Variants in KLRG2 observed in about 807,000 individuals in gnomAD.
KLRG2 encodes killer cell lectin like receptor G2, also known as killer cell lectin-like receptor subfamily G member 2.
A neutral mutation model predicts 35.4 loss-of-function variants in KLRG2; 39 were observed. That is an observed-to-expected ratio of 1.10 (90% CI 0.85 to 1.44). The LOEUF (loss-of-function observed/expected upper bound fraction) is 1.44, where lower values mean the gene tolerates loss of function less well. Among genes scored for constraint, KLRG2 ranks in the 40% most tolerant of loss-of-function variants. The pLI is 0.00. For missense variants in KLRG2, 632 were observed against 570.9 expected, an observed-to-expected ratio of 1.11 and a Z score of -1.09; for synonymous variants, 283 against 265.8, an observed-to-expected ratio of 1.06 and a Z score of -0.63.
At chr7:139,465,064 C>T (rs1249397848) in intron 3 of KLRG2, among the ~76,000 whole-genome samples, 1 of 152,178 alleles carries the variant, frequency 6.6e-6, no homozygotes, top group Non-Finnish European at 1.5e-5. Flanking sequence ...TCACCCTGAA[C>T]ACACTTGGTT....
At position 139,483,406 on chromosome 7, in the gene KLRG2, G is replaced by A; in HGVS notation, c.237C>T (p.Arg79=). 6.5e-7 allele frequency: 1 copy of A among 1,543,642 alleles called. No homozygotes were observed. Among genetic ancestry groups the A allele is most frequent in the Non-Finnish European group, 8.6e-7 (1 of 1,157,686 alleles). Residue 79 remains arginine, a synonymous_variant, in exon 1 of 5, where the codon CGC becomes CGT. Transcript: ENST00000340940. ...CGTAGCCCAGGCTGAGCGGCGGCAC[G>A]CGCGGGGACCCGGGGCGAGGCGAAG... ...KPPSPRPGSP[R]VPPLSLGYGV... is the part of the protein sequence containing the mutation.
At chr7:139,473,716 G>A (rs1195505197) in intron 3 of KLRG2, among the ~76,000 whole-genome samples, 1 of 152,208 alleles carries the variant, frequency 6.6e-6, no homozygotes, top group African/African-American at 2.4e-5. Context: ...GCTCACACCT[G>A]TAATCCTAGC....
At chr7:139,475,119 C>A (rs1219418990) in intron 3 of KLRG2, among the ~76,000 whole-genome samples, 1 of 152,188 alleles carries the variant, frequency 6.6e-6, no homozygotes, top group Non-Finnish European at 1.5e-5. Context: ...AATCTTGACA[C>A]AGTTGTCCCT....
At chr7:139,458,235 A>G (rs1283393049) in intron 3 of KLRG2, among the ~76,000 whole-genome samples, 1 of 151,928 alleles carries the variant, frequency 6.6e-6, no homozygotes, top group Non-Finnish European at 1.5e-5. Context: ...AATATTAACC[A>G]GGTGTGGTGG....
chr7:139,451,880 C>A (rs1309885253), downstream of KLRG2, among the ~76,000 whole-genome samples: 1 of 151,922 alleles, frequency 6.6e-6, no homozygotes, highest in East Asian at 1.9e-4. Context: ...ACATACACAG[C>A]TTCCTGCCCA....
intron 2 of KLRG2, 42 bp from the exon 3 acceptor site, chr7:139,479,814 C>A: frequency 1.3e-6 from 2 of 1,589,726 alleles, no homozygotes; most frequent in Non-Finnish European, 8.6e-7. Context: ...GGGTAAGCTG[C>A]ATTAAATAAA....
At chr7:139,429,380 C>CTTTT in the KLRG2 span, among the ~76,000 whole-genome samples, 1 of 143,216 alleles carries the variant, frequency 7.0e-6, no homozygotes, top group Non-Finnish European at 1.5e-5. Context: ...TTTTCTTTTT[C>CTTTT]TTTTTCTTTT....
intron 3 of KLRG2, among the ~76,000 whole-genome samples, chr7:139,454,864 TAAC>T (rs1238804285): frequency 5.1e-5 from 7 of 138,518 alleles, no homozygotes; most frequent in Admixed American, 2.2e-4. Flanking sequence ...ATAATAATAA[TAAC>T]ACACGCAGAT....
At chr7:139,480,340 C>G in intron 1 of KLRG2, 93 bp from the exon 2 acceptor site, 1 of 709,724 alleles carries the variant, frequency 1.4e-6, no homozygotes, top group Non-Finnish European at 2.6e-6. Flanking sequence ...AGCATCTCAC[C>G]CACCTCACCC....
chr7:139,455,380 G>C (rs1450082965), intron 3 of KLRG2, among the ~76,000 whole-genome samples: 3 of 147,706 alleles, frequency 2.0e-5, no homozygotes, highest in Non-Finnish European at 3.0e-5. Flanking sequence ...GGAGTGCAGT[G>C]GCGCGATCTC....
intron 3 of KLRG2, among the ~76,000 whole-genome samples, chr7:139,476,214 G>T (rs961554589): frequency 6.6e-6 from 1 of 152,156 alleles, no homozygotes; most frequent in Non-Finnish European, 1.5e-5. Context: ...ACAAGCCTGG[G>T]CAAGGTGGCA....
At chr7:139,476,541 G>A (rs1796853393) in intron 3 of KLRG2, among the ~76,000 whole-genome samples, 1 of 151,966 alleles carries the variant, frequency 6.6e-6, no homozygotes, top group South Asian at 2.1e-4. Context: ...CTGGGTTCAA[G>A]CGATTCCCAT....
rs948217369 is a variant in KLRG2, at chr7:139,480,372, G to A, written c.758-125C>T. On this transcript the variant is annotated intron_variant, in intron 1 of 4. Transcript: ENST00000340940. ...ACCCCAGCACCCACCCCCTCAGCCT[G>A]GGATGCCAACATAAACCACAACGTT... 6 of 603,152 alleles carry A rather than the reference G, an allele frequency of 9.9e-6. No homozygotes were observed. In the East Asian group the frequency reaches 1.7e-4, roughly 18 times the overall value. 37.4% of individuals were successfully genotyped at this position (603,152 alleles called of 1,614,324 possible). A position where few individuals can be genotyped will look rare whatever the true frequency, so the allele number is the denominator to read the frequency against.
At chr7:139,465,833 C>T (rs1402056099) in intron 3 of KLRG2, among the ~76,000 whole-genome samples, 1 of 152,040 alleles carries the variant, frequency 6.6e-6, no homozygotes, top group Non-Finnish European at 1.5e-5. Context: ...AGCATTCCAA[C>T]TTCTATCCCT....
chr7:139,438,920 T>TGCCC, the KLRG2 span, among the ~76,000 whole-genome samples: 1 of 63,036 alleles, frequency 1.6e-5, no homozygotes, highest in Non-Finnish European at 3.4e-5. Flanking sequence ...GATGATCCCC[T>TGCCC]CCCCCCCCCC....
At chr7:139,466,196 A>C (rs545123181) in intron 3 of KLRG2, among the ~76,000 whole-genome samples, 19 of 152,246 alleles carry the variant, frequency 1.2e-4, no homozygotes, top group African/African-American at 4.6e-4. Context: ...GGACTGGCAA[A>C]TTGACTTTAC....
intron 3 of KLRG2, among the ~76,000 whole-genome samples, chr7:139,454,750 A>G (rs1279138008): frequency 3.3e-5 from 5 of 151,474 alleles, no homozygotes; most frequent in African/African-American, 4.8e-5. Flanking sequence ...CAGGAGACAG[A>G]GGTTGCAGTA....
the KLRG2 span, among the ~76,000 whole-genome samples, chr7:139,438,788 G>A: frequency 4.9e-4 from 74 of 151,222 alleles, no homozygotes; most frequent in Non-Finnish European, 9.3e-4. Context: ...TGATTCTCCT[G>A]CCTCAACCTC....
intron 2 of KLRG2, 23 bp downstream of exon 2, chr7:139,480,123 T>C: frequency 6.7e-7 from 1 of 1,489,696 alleles, no homozygotes; most frequent in African/African-American, 1.4e-5. Context: ...GGAGAGGGGA[T>C]GGGGACTGCA....
Sources: gnomAD v4.1 joint callset for allele counts (sites outside exome capture counted in the v4.1 genomes callset) on GRCh38, gnomAD v4.1.1 for gene constraint, MANE v1.5 for transcripts, NCBI Gene and HGNC (gene_info 2026-07-23, HGNC 2026-07-21) for gene names.